Variants in TRIM66 observed in about 807,000 individuals in gnomAD.
TRIM66 encodes tripartite motif containing 66, also known as tripartite motif-containing protein 66.
TRIM66 carries 99 observed loss-of-function variants against 148.2 expected under a neutral mutation model. The observed-to-expected ratio is 0.67, with a 90% CI of 0.57 to 0.79. TRIM66 has a LOEUF of 0.79. Among genes scored for constraint, TRIM66 ranks in the 30% least tolerant of loss-of-function variants. The pLI, the probability that TRIM66 is intolerant of heterozygous loss-of-function variation, is 0.00. For missense variants in TRIM66, 1,666 were observed against 1,697.9 expected (o/e 0.98, Z 0.33); for synonymous variants, 616 against 635.9 (o/e 0.97, Z 0.47).
chr11:8,628,612 C>CAAAAAA lies in TRIM66; in HGVS notation c.2311-3390_2311-3385dup, dbSNP rs750649249. Among the ~76,000 whole-genome samples the CAAAAAA allele has an allele frequency of 2.6e-4, 21 of 80,666 alleles. No individual in the cohort carries two copies. In the East Asian group the frequency reaches 5.9e-3, roughly 23 times the overall value. The allele number at this position is 80,666 out of a possible 152,430, so 52.9% of individuals were successfully genotyped here. ...TAGGCAACAGAGGAAGACCCTGTCT[C>CAAAAAA]AAAAAAAAAAAAAAAAAAAAAAAAA... On this transcript the variant is annotated intron_variant, in intron 15 of 24. Coordinates refer to ENST00000646038, the MANE Select transcript of TRIM66 (RefSeq NM_001388022.1).
chr11:8,679,789 T>C lies in TRIM66; in HGVS notation c.-359A>G, dbSNP rs1445813706. 1 of 152,528 alleles carries C rather than the reference T, an allele frequency of 6.6e-6. No individual in the cohort carries two copies. Among genetic ancestry groups the C allele is most frequent in the Non-Finnish European group, 1.5e-5 (1 of 68,054 alleles). The allele number at this position is 152,528 out of a possible 1,614,324, so 9.4% of individuals were successfully genotyped here. On this transcript the variant is annotated 5_prime_UTR_variant, in exon 3 of 25. Coordinates refer to ENST00000646038, the MANE Select transcript of TRIM66 (RefSeq NM_001388022.1). ...GGTCACATGCAGTATGTGATTAAGG[T>C]TGATGGAGGGATGAAGACCATAATG...
In TRIM66 at chr11:8,621,076, C is replaced by A. The variant is rs2034163625; in HGVS notation, c.3501G>T (p.Val1167=). The change falls in exon 20 of 25, where the codon GTG becomes GTT. Residue 1167 remains valine (V), a synonymous_variant. Coordinates refer to ENST00000646038, the MANE Select transcript of TRIM66 (RefSeq NM_001388022.1). ...ELLCCDRCPK[V]FHLSCHVPAL... Reference sequence around the variant, plus strand: ...CTGGCACATGGCAGGAGAGGTGGAACACTTTGGGGCAGCGGTCACAGCACA... The same window carrying A: ...CTGGCACATGGCAGGAGAGGTGGAAAACTTTGGGGCAGCGGTCACAGCACA... 1 of 1,551,614 alleles carries A rather than the reference C, an allele frequency of 6.4e-7. No individual in the cohort carries two copies. Among genetic ancestry groups the A allele is most frequent in the African/African-American group, 1.4e-5 (1 of 73,056 alleles).
rs1403300319 is a variant in TRIM66, at chr11:8,625,032, G to C, written c.2507C>G (p.Ala836Gly). 6.4e-7 allele frequency: 1 copy of C among 1,551,750 alleles called. No individual in the cohort carries two copies. Among genetic ancestry groups the C allele is most frequent in the East Asian group, 2.4e-5 (1 of 40,918 alleles). The change falls in exon 16 of 25, where the codon GCC becomes GGC. Residue 836 changes from alanine (A) to glycine (G), a missense_variant. Physicochemically the swap from Ala to Gly is moderately conservative, Grantham distance 60. Around this residue, in one of 3 missense-constraint regions of TRIM66, gnomAD observed 1,431 missense variants for 1,412.4 expected, o/e 1.01. Transcript: ENST00000646038. ...VSSLTSVQNQAMPSLTTSHLQ... is the reference protein window; with the variant it reads ...VSSLTSVQNQGMPSLTTSHLQ... ...GTGACTGGTTGTCAGGCTGGGCATG[G>C]CCTGGTTTTGAACACTTGTCAGGCT... is the stretch of plus-strand genomic sequence containing the variant.
Position 8,620,480 on chromosome 11 carries a change from C to T in TRIM66, c.3638G>A (p.Arg1213Gln). The T allele has an allele frequency of 6.4e-7, 1 of 1,551,782 alleles. No homozygotes were observed. The highest frequency in any genetic ancestry group is 8.7e-7 in the Non-Finnish European group (1 of 1,147,020). The change falls in exon 21 of 25, where the codon CGG (arginine) becomes CAG (glutamine). Residue 1213 changes from arginine to glutamine, a missense_variant. Around this residue, in one of 3 missense-constraint regions of TRIM66, gnomAD observed 204 missense variants for 231.0 expected, o/e 0.88. Transcript: ENST00000646038. ...ATACATGCTTAGGCCAGGAGATGCC[C>T]GCATTCCAGGCTGGTTATAGCAGGC... ...ENACYNQPGM[R>Q]ASPGLSMYDQ...
chr11:8,624,215 GGAGGA>G, intron 17 of TRIM66, 139 bp downstream of exon 17: 1 of 923,638 alleles, frequency 1.1e-6, no homozygotes, highest in Non-Finnish European at 1.6e-6. Context: ...AGACAGTTCC[GGAGGA>G]GAGAAGTAAA....
intron 7 of TRIM66, 146 bp from the exon 8 acceptor site, chr11:8,650,033 G>C (rs939048578): frequency 2.4e-5 from 23 of 941,970 alleles, no homozygotes; most frequent in Non-Finnish European, 3.5e-5. Flanking sequence ...CTGTCTGGGA[G>C]TAACATGCCG....
Position 8,677,283 on chromosome 11 carries a change from C to CT in TRIM66, c.-190+2336dup, listed in dbSNP as rs551693154. Among the ~76,000 whole-genome samples the CT allele has an allele frequency of 9.9e-5, 15 of 152,236 alleles. 1 individual carries two copies. The South Asian group carries it at 3.1e-3, about 32-fold the overall frequency. On this transcript the variant is annotated intron_variant, in intron 3 of 24. Transcript: ENST00000646038. The stretch of plus-strand genomic sequence containing the variant: ...ATTTGTTTGCTTGTTTAATGTATGT[C>CT]TTAGACATAGTCTTAGGGAAGGACT...
In TRIM66 at chr11:8,633,878, C is replaced by T. The variant is rs141376902; in HGVS notation, c.2310+4776G>A. ...TTTTATAAGACTCAAATTAAGAGATCGGGCATCAAAATGCTTTGATAATGG... is the reference window on the plus strand; with the variant it reads ...TTTTATAAGACTCAAATTAAGAGATTGGGCATCAAAATGCTTTGATAATGG... On this transcript the variant is annotated intron_variant, in intron 15 of 24. Transcript: ENST00000646038. Among the ~76,000 whole-genome samples, 10 of 152,254 alleles carry T rather than the reference C, an allele frequency of 6.6e-5. No individual in the cohort carries two copies. In the East Asian group the frequency reaches 9.7e-4, roughly 15 times the overall value.
rs1452234535 is a variant in TRIM66 at position 8,640,623 on chromosome 11, G to C, written c.1752C>G (p.Gly584=). Residue 584 remains glycine (G), a synonymous_variant, in exon 14 of 25, where the codon GGC becomes GGG. Coordinates refer to ENST00000646038, the MANE Select transcript of TRIM66 (RefSeq NM_001388022.1). ...LQTPSIQVQF[G]HHQKLKLSHF... ...GACTGAGCTTCAGCTTCTGGTGGTG[G>C]CCAAACTGGACTTGGATAGAGGGTG... The C allele has an allele frequency of 1.3e-6, 2 of 1,551,522 alleles. No homozygotes were observed. The highest frequency in any genetic ancestry group is 3.9e-5 in the Admixed American group (2 of 50,988).
chr11:8,655,677 G>A (rs2037764469), intron 6 of TRIM66, among the ~76,000 whole-genome samples: 1 of 152,056 alleles, frequency 6.6e-6, no homozygotes, highest in Admixed American at 6.5e-5. Context: ...CCAGCCTCGG[G>A]AGGCCAAGGC....
chr11:8,674,764 C>CTTTA (rs2039101181), intron 4 of TRIM66, 42 bp downstream of exon 4: 1 of 152,166 alleles, frequency 6.6e-6, no homozygotes, highest in African/African-American at 2.4e-5. Context: ...GTGCCAAACC[C>CTTTA]TTTAACATCT....
chr11:8,643,156 G>C (rs1247266266), intron 12 of TRIM66, 30 bp from the exon 13 acceptor site: 34 of 1,537,394 alleles, frequency 2.2e-5, no homozygotes, highest in Non-Finnish European at 2.6e-5. Context: ...TCATTTATTT[G>C]GGCATCTTGC....
chr11:8,664,366 G>A (rs960201074), intron 6 of TRIM66, among the ~76,000 whole-genome samples: 2 of 152,050 alleles, frequency 1.3e-5, no homozygotes, highest in African/African-American at 4.8e-5. Flanking sequence ...CATCAGTTTG[G>A]TATTCTAAGT....
intron 6 of TRIM66, among the ~76,000 whole-genome samples, chr11:8,668,652 C>A (rs1272515045): frequency 6.6e-6 from 1 of 151,516 alleles, no homozygotes; most frequent in Non-Finnish European, 1.5e-5. Flanking sequence ...GTGGTGCCAT[C>A]TCGGCTCACT....
intron 6 of TRIM66, among the ~76,000 whole-genome samples, chr11:8,653,040 C>T (rs2037501718): frequency 6.6e-6 from 1 of 152,194 alleles, no homozygotes; most frequent in South Asian, 2.1e-4. Context: ...TCACATGGTC[C>T]TCCATGAATG....
intron 1 of TRIM66, chr11:8,680,748 C>G (rs979913551): frequency 1.3e-5 from 2 of 152,182 alleles, no homozygotes; most frequent in African/African-American, 4.8e-5. Context: ...TGAAGCCACC[C>G]AAGAAGACCA....
In TRIM66 at chr11:8,618,801, C is replaced by T. The variant is rs1042616558; in HGVS notation, c.4068G>A (p.Trp1356Ter). 5.8e-6 allele frequency: 9 copies of T among 1,551,202 alleles called. No homozygotes were observed. The African/African-American group carries it at 1.2e-4, about 21-fold the overall frequency. Residue 1356 changes from tryptophan to a stop codon, truncating the protein, a stop_gained, in exon 24 of 25, where the codon TGG becomes TGA. Transcript: ENST00000646038. LOFTEE classifies it high-confidence loss of function. The stretch of plus-strand genomic sequence containing the variant: ...GGATGCCCTCCTGCATGTAGGGAGG[C>T]CACGGGAAGCCCTGGGGAGTGGAAC... ...SGCSTPQGFPWPPYMQEGIQP... is the reference protein window; with the variant it reads ...SGCSTPQGFP
At chr11:8,618,546 G>A (rs562673911) in intron 24 of TRIM66, among the ~76,000 whole-genome samples, 96 of 152,326 alleles carry the variant, frequency 6.3e-4, no homozygotes, top group African/African-American at 1.3e-3. Flanking sequence ...GCACCTTTCT[G>A]AGTTTCAAGT....
rs367689737 is a variant in TRIM66 at position 8,662,594 on chromosome 11, C to A, written c.340+9192G>T. Among the ~76,000 whole-genome samples, 7 of 152,262 alleles carry A rather than the reference C, an allele frequency of 4.6e-5. No homozygotes were observed. The East Asian group carries it at 1.4e-3, about 29-fold the overall frequency. On this transcript the variant is annotated intron_variant, in intron 6 of 24. Coordinates refer to ENST00000646038, the MANE Select transcript of TRIM66 (RefSeq NM_001388022.1). ...CTTAGAATTGCCCAGTCAATTAGTG[C>A]TAGTGTCCAGGTGAGCTCTAGGGTC...
Sources: allele counts gnomAD v4.1 joint callset (sites outside exome capture counted in the v4.1 genomes callset), GRCh38; gene constraint gnomAD v4.1.1; regional missense constraint gnomAD v4.1.1; transcripts MANE v1.5; gene names NCBI Gene and HGNC (gene_info 2026-07-23, HGNC 2026-07-21).